Variants in SFTPD observed in about 807,000 individuals in gnomAD.
SFTPD encodes the protein surfactant protein D, also known as pulmonary surfactant-associated protein D.
In SFTPD, 18 loss-of-function variants were observed where a neutral mutation model predicts 34.6. That is an observed-to-expected ratio of 0.52 (90% CI 0.36 to 0.77). The LOEUF (loss-of-function observed/expected upper bound fraction) is 0.77. Among genes scored for constraint, SFTPD ranks in the 30% least tolerant of loss-of-function variants. SFTPD has a pLI of 0.00. For missense variants in SFTPD, 433 were observed against 468.9 expected (o/e 0.92, Z 0.71); for synonymous variants, 155 against 180.9 (o/e 0.86, Z 1.15).
intron 4 of SFTPD, 107 bp downstream of exon 4, chr10:79,942,281 C>A: frequency 1.2e-6 from 1 of 813,872 alleles, no homozygotes; most frequent in South Asian, 1.6e-5. Context: ...TTTGCAGCAT[C>A]AAGGGTCTGG....
At chr10:79,939,782 C>T (rs1248551745) in intron 7 of SFTPD, among the ~76,000 whole-genome samples, 1 of 152,214 alleles carries the variant, frequency 6.6e-6, no homozygotes, top group Non-Finnish European at 1.5e-5. Context: ...TCTACTACTT[C>T]AGAAAACTTT....
chr10:79,973,853 G>T (rs1332461079), intron 1 of SFTPD, among the ~76,000 whole-genome samples: 1 of 152,186 alleles, frequency 6.6e-6, no homozygotes, highest in Non-Finnish European at 1.5e-5. Context: ...TTCTTGGGAT[G>T]ACTCTGGATG....
In SFTPD at chr10:79,937,950, C is replaced by G. The variant is rs142628179; in HGVS notation, c.1030G>C (p.Asp344His). 1 of 1,613,118 alleles carries G rather than the reference C, an allele frequency of 6.2e-7. No homozygotes were observed. The highest frequency in any genetic ancestry group is 8.5e-7 in the Non-Finnish European group (1 of 1,179,324). ...YSNWAPGEPNDDGGSEDCVEI... is the reference protein window; with the variant it reads ...YSNWAPGEPNHDGGSEDCVEI... ...ACACAGTCCTCTGACCCGCCATCATCGTTGGGCTCCCCTGGGGCCCAGTTG... is the reference window on the plus strand; with the variant it reads ...ACACAGTCCTCTGACCCGCCATCATGGTTGGGCTCCCCTGGGGCCCAGTTG... The change falls in exon 8 of 8, where the codon GAT becomes CAT. Residue 344 changes from aspartate (D) to histidine (H), a missense_variant. Transcript: ENST00000372292.
intron 1 of SFTPD, among the ~76,000 whole-genome samples, chr10:79,948,351 G>A (rs1262799131): frequency 6.6e-6 from 1 of 152,198 alleles, no homozygotes; most frequent in Non-Finnish European, 1.5e-5. Context: ...GGCACAGAAG[G>A]CACCAGCAGC....
chr10:79,948,827 C>A (rs140938553), intron 1 of SFTPD, among the ~76,000 whole-genome samples: 2 of 152,310 alleles, frequency 1.3e-5, no homozygotes, highest in East Asian at 3.9e-4. Flanking sequence ...CACACCCACT[C>A]TTCCACCCTG....
upstream of SFTPD, among the ~76,000 whole-genome samples, chr10:79,953,481 A>T (rs1229454289): frequency 1.3e-5 from 2 of 149,480 alleles, no homozygotes; most frequent in African/African-American, 4.9e-5. Context: ...CCTGGTCTGC[A>T]GGGTTTCCAC....
upstream of SFTPD, chr10:79,950,618 C>T (rs866290620): frequency 6.6e-6 from 1 of 152,274 alleles, no homozygotes; most frequent in African/African-American, 2.4e-5. Context: ...GGATGTTTTC[C>T]TTCACATTGA....
chr10:79,974,537 G>A (rs1157217693), intron 1 of SFTPD, among the ~76,000 whole-genome samples: 1 of 151,816 alleles, frequency 6.6e-6, no homozygotes, highest in Non-Finnish European at 1.5e-5. Context: ...TGTGATCATA[G>A]TTCTCTGGTT....
upstream of SFTPD, among the ~76,000 whole-genome samples, chr10:79,949,330 T>C (rs1330416840): frequency 6.6e-6 from 1 of 152,218 alleles, no homozygotes; most frequent in Non-Finnish European, 1.5e-5. Context: ...TCTGCACCTT[T>C]CTCACTGCAG....
chr10:79,950,469 G>T (rs1842703198), upstream of SFTPD: 1 of 152,142 alleles, frequency 6.6e-6, no homozygotes, highest in South Asian at 2.1e-4. Flanking sequence ...CAAAATTCTT[G>T]GCTGGCAGGA....
intron 1 of SFTPD, among the ~76,000 whole-genome samples, chr10:79,959,056 A>G (rs1249519029): frequency 6.6e-6 from 1 of 152,148 alleles, no homozygotes; most frequent in Non-Finnish European, 1.5e-5. Flanking sequence ...TGGGTACATA[A>G]CGAAATGAAG....
At position 79,938,217 on chromosome 10, in the gene SFTPD, G is replaced by A. The variant is rs1435680312; in HGVS notation, c.763C>T (p.Pro255Ser). Residue 255 changes from proline to serine, a missense_variant, in exon 8 of 8, where the codon CCA becomes TCA. Pro to Ser is a moderately conservative substitution (Grantham distance 74, BLOSUM62 -1). Coordinates refer to ENST00000372292, the MANE Select transcript of SFTPD (RefSeq NM_003019.5). The stretch of plus-strand genomic sequence containing the variant: ...TTCTCCCCGACACTTTGGCCATTTG[G>A]GAAGAGCTCAACTAGGAGAAGAAGA... ...FSQYKKVELF[P>S]NGQSVGEKIF... 8 of 1,593,854 alleles carry A rather than the reference G, an allele frequency of 5.0e-6. No individual in the cohort carries two copies. Among genetic ancestry groups the A allele is most frequent in the Admixed American group, 1.7e-5 (1 of 59,618 alleles).
chr10:79,944,789 A>T (rs980109359), intron 2 of SFTPD, among the ~76,000 whole-genome samples: 1 of 152,066 alleles, frequency 6.6e-6, no homozygotes, highest in Non-Finnish European at 1.5e-5. Context: ...TTTACCCTCC[A>T]TGATACGTCG....
intron 1 of SFTPD, chr10:79,972,022 C>A (rs192407110): frequency 1.3e-5 from 2 of 152,280 alleles, no homozygotes; most frequent in Admixed American, 1.3e-4. Flanking sequence ...TAATTTCAGA[C>A]CCTGTTTGAC....
intron 1 of SFTPD, chr10:79,972,435 G>T (rs551098958): frequency 6.6e-6 from 1 of 152,388 alleles, no homozygotes; most frequent in South Asian, 2.1e-4. Context: ...GGAGGCGGAG[G>T]TTGCAGTGAG....
intron 1 of SFTPD, among the ~76,000 whole-genome samples, chr10:79,960,722 A>G (rs987573122): frequency 3.9e-5 from 6 of 152,200 alleles, no homozygotes; most frequent in Non-Finnish European, 8.8e-5. Context: ...CATACTGCCC[A>G]TGGTAATTTA....
chr10:79,973,826 A>G (rs888001951), intron 1 of SFTPD, among the ~76,000 whole-genome samples: 17 of 152,172 alleles, frequency 1.1e-4, no homozygotes, highest in African/African-American at 4.1e-4. Flanking sequence ...ATAACACCAC[A>G]GTGTCATGCA....
At chr10:79,960,782 T>C (rs1168134832) in intron 1 of SFTPD, among the ~76,000 whole-genome samples, 1 of 152,100 alleles carries the variant, frequency 6.6e-6, no homozygotes, top group Non-Finnish European at 1.5e-5. Context: ...CTTCACAGAA[T>C]TGGAAAAAAC....
chr10:79,942,690 G>T, intron 3 of SFTPD, 73 bp downstream of exon 3: 1 of 1,102,136 alleles, frequency 9.1e-7, no homozygotes, highest in Non-Finnish European at 1.4e-6. Flanking sequence ...TGGGCTCTGT[G>T]CGTGCCCACT....
Sources: gnomAD v4.1 joint callset for allele counts (sites outside exome capture counted in the v4.1 genomes callset) on GRCh38, gnomAD v4.1.1 for gene constraint, MANE v1.5 for transcripts, NCBI Gene and HGNC (gene_info 2026-07-23, HGNC 2026-07-21) for gene names.